Variants in DPP4 observed in about 807,000 individuals in gnomAD.
The protein encoded by DPP4 is dipeptidyl peptidase 4.
Under a neutral mutation model 122.4 loss-of-function variants are expected in DPP4, and 93 were observed. The ratio of observed to expected loss-of-function variants is 0.76; its 90% CI spans 0.64 to 0.90. The LOEUF is 0.90. Among genes scored for constraint, DPP4 ranks in the 40% least tolerant of loss-of-function variants. The probability of loss-of-function intolerance (pLI) is 0.00; values close to 1 mark genes in which losing one functional copy is unlikely to be tolerated. For synonymous variants in DPP4, 321 were observed against 302.9 expected (o/e 1.06, Z -0.62); for missense variants, 914 against 907.3 (o/e 1.01, Z -0.09).
chr2:162,065,364 A>T (rs976045200), intron 2 of DPP4, among the ~76,000 whole-genome samples: 5 of 152,198 alleles, frequency 3.3e-5, no homozygotes, highest in Non-Finnish European at 5.9e-5. Flanking sequence ...ATGAGATGAC[A>T]TACTGGAGAT....
rs1684201683 is a variant in DPP4, at chr2:162,046,952, T to C, written c.248A>G (p.Tyr83Cys). Residue 83 changes from tyrosine (Y) to cysteine (C), a missense_variant, in exon 4 of 26, where the codon TAT becomes TGT. Transcript: ENST00000360534. The stretch of plus-strand genomic sequence containing the variant: ...CTCCAAGAAAACTGAGCTGTTTCCA[T>C]ATTCAGCATTGAATACCAAGATATT... The part of the protein sequence containing the change: ...ENNILVFNAE[Y>C]GNSSVFLENS... 1.9e-6 allele frequency: 3 copies of C among 1,597,968 alleles called. No individual in the cohort carries two copies. Among genetic ancestry groups the C allele is most frequent in the Non-Finnish European group, 1.7e-6 (2 of 1,165,684 alleles).
At chr2:162,053,266 C>G (rs1237345841) in intron 2 of DPP4, among the ~76,000 whole-genome samples, 4 of 152,120 alleles carry the variant, frequency 2.6e-5, no homozygotes, top group African/African-American at 9.7e-5. Flanking sequence ...GAACAACAAC[C>G]CTGAAGGCAT....
chr2:161,992,451 T>C lies in DPP4; in HGVS notation c.*832A>G, dbSNP rs1389635870. ...GACTCCTTCAAGTTAAGATTTGTGATACAAATATTTTCATCTTTTAACAGG... is the reference window on the plus strand; with the variant it reads ...GACTCCTTCAAGTTAAGATTTGTGACACAAATATTTTCATCTTTTAACAGG... On this transcript the variant is annotated 3_prime_UTR_variant, in exon 26 of 26. Transcript: ENST00000360534. 1 of 152,692 alleles carries C rather than the reference T, an allele frequency of 6.5e-6. No homozygotes were observed. Among genetic ancestry groups the C allele is most frequent in the Non-Finnish European group, 1.5e-5 (1 of 68,038 alleles). 9.5% of individuals were successfully genotyped at this position (152,692 alleles called of 1,614,324 possible).
chr2:162,009,429 C>T, intron 20 of DPP4, 134 bp from the exon 21 acceptor site: 1 of 688,554 alleles, frequency 1.5e-6, no homozygotes, highest in Non-Finnish European at 2.6e-6. Flanking sequence ...TGCCAGTAAT[C>T]AAATAAACAC....
intron 12 of DPP4, among the ~76,000 whole-genome samples, chr2:162,020,914 T>C (rs1240574134): frequency 1.3e-5 from 2 of 152,226 alleles, no homozygotes; most frequent in African/African-American, 4.8e-5. Flanking sequence ...AGAGAATGTA[T>C]ATAAAGAGGC....
intron 3 of DPP4, 143 bp from the exon 4 acceptor site, chr2:162,047,149 C>A: frequency 1.8e-6 from 1 of 553,502 alleles, no homozygotes; most frequent in Non-Finnish European, 3.2e-6. Context: ...ATTATACTAA[C>A]ATTCATTCAT....
At position 162,008,630 on chromosome 2, in the gene DPP4, A is replaced by G. The variant is rs1394020472; in HGVS notation, c.1919T>C (p.Leu640Pro). Residue 640 changes from leucine (L) to proline (P), a missense_variant, in exon 22 of 26, where the codon CTG (leucine) becomes CCG (proline). By Grantham distance (98) the Leu-to-Pro change is moderately conservative. Coordinates refer to ENST00000360534, the MANE Select transcript of DPP4 (RefSeq NM_001935.4). ...CTTGAACACGCCACTTCCCGATCCC[A>G]GGACCATTGAGGTTACGTACCCTCC... ...SYGGYVTSMV[L>P]GSGSGVFKCG... 1.2e-6 allele frequency: 2 copies of G among 1,613,694 alleles called. No individual in the cohort carries two copies. Among genetic ancestry groups the G allele is most frequent in the Admixed American group, 1.7e-5 (1 of 59,960 alleles).
chr2:161,995,524 C>G, intron 23 of DPP4, 152 bp from the exon 24 acceptor site: 1 of 673,328 alleles, frequency 1.5e-6, no homozygotes, highest in African/African-American at 1.8e-5. Flanking sequence ...TGTCTCCATG[C>G]ATGGCAGAAT....
chr2:162,068,606 T>C (rs544548566), intron 2 of DPP4, among the ~76,000 whole-genome samples: 1 of 152,278 alleles, frequency 6.6e-6, no homozygotes, highest in African/African-American at 2.4e-5. Context: ...GGCTAGGTCA[T>C]AAAAGGCAAC....
intron 23 of DPP4, among the ~76,000 whole-genome samples, chr2:162,001,642 G>A (rs1200634416): frequency 1.3e-5 from 2 of 152,158 alleles, no homozygotes; most frequent in African/African-American, 4.8e-5. Flanking sequence ...TAAAAGACCT[G>A]TGACTGACCA....
chr2:162,038,653 A>G (rs1683873613), intron 7 of DPP4, among the ~76,000 whole-genome samples: 1 of 152,150 alleles, frequency 6.6e-6, no homozygotes, highest in Non-Finnish European at 1.5e-5. Flanking sequence ...TGAGAAGTAC[A>G]TAACTACCAC....
chr2:162,033,862 G>GTATATATATATATATATATATATA (rs138320647), intron 9 of DPP4, among the ~76,000 whole-genome samples: 5 of 104,036 alleles, frequency 4.8e-5, no homozygotes, highest in African/African-American at 1.1e-4. Context: ...CAGAATATGT[G>GTATATATATATATATATATATATA]TATATATATA....
intron 23 of DPP4, among the ~76,000 whole-genome samples, chr2:161,996,946 G>A (rs1559702874): frequency 1.3e-5 from 2 of 152,098 alleles, no homozygotes; most frequent in Non-Finnish European, 2.9e-5. Flanking sequence ...ACAATAATAG[G>A]AACTAAGAGG....
rs1188512255 is a variant in DPP4 at position 162,045,601 on chromosome 2, T to A, written c.297A>T (p.Gly99=). The A allele has an allele frequency of 1.9e-6, 3 of 1,611,374 alleles. No homozygotes were observed. Among genetic ancestry groups the A allele is most frequent in the Admixed American group, 1.7e-5 (1 of 59,830 alleles). The part of the protein sequence containing the change: ...FLENSTFDEF[G]HSINDYSISP... ...ATATTGAATAATCATTGATAGAATG[T>A]CCAAACTCATCCTGTCAAACAAGAA... Residue 99 remains glycine, a synonymous_variant, in exon 5 of 26, where the codon GGA becomes GGT. Coordinates refer to ENST00000360534, the MANE Select transcript of DPP4 (RefSeq NM_001935.4).
At chr2:162,021,638 A>G (rs1423880477) in intron 12 of DPP4, 1 of 152,208 alleles carries the variant, frequency 6.6e-6, no homozygotes, top group Non-Finnish European at 1.5e-5. Flanking sequence ...TGGTGTTCTC[A>G]TTACAGAGCT....
intron 2 of DPP4, among the ~76,000 whole-genome samples, chr2:162,064,317 T>C (rs1684883611): frequency 6.6e-6 from 1 of 152,170 alleles, no homozygotes; most frequent in Non-Finnish European, 1.5e-5. Context: ...CCAAACCCTT[T>C]TCATTTTAAG....
chr2:162,008,469 T>G, intron 22 of DPP4, 93 bp downstream of exon 22: 1 of 1,086,516 alleles, frequency 9.2e-7, no homozygotes, highest in Non-Finnish European at 1.4e-6. Context: ...TTATTCGCTG[T>G]AAAAACACTG....
intron 7 of DPP4, among the ~76,000 whole-genome samples, chr2:162,038,626 T>C (rs1683872888): frequency 6.6e-6 from 1 of 152,104 alleles, no homozygotes; most frequent in Admixed American, 6.6e-5. Context: ...CTAAAACCAT[T>C]AATAATGTGT....
At chr2:162,008,755 AC>A (rs1205599324) in intron 21 of DPP4, 94 bp from the exon 22 acceptor site, 2 of 1,098,318 alleles carry the variant, frequency 1.8e-6, no homozygotes, top group African/African-American at 3.1e-5. Flanking sequence ...ATCTTTATAT[AC>A]TGTGCCTCTT....
Sources: gnomAD v4.1 joint callset for allele counts (sites outside exome capture counted in the v4.1 genomes callset) on GRCh38, gnomAD v4.1.1 for gene constraint, MANE v1.5 for transcripts, NCBI Gene and HGNC (gene_info 2026-07-23, HGNC 2026-07-21) for gene names.